GSG1L: variants seen among roughly 807,000 people sequenced by gnomAD.
The protein encoded by GSG1L is GSG1 like.
A neutral mutation model predicts 42.1 loss-of-function variants in GSG1L; 24 were observed. That is an observed-to-expected ratio of 0.57 (90% CI 0.41 to 0.80). The LOEUF is 0.80. Among genes scored for constraint, GSG1L ranks in the 30% least tolerant of loss-of-function variants. The pLI is 0.00. For synonymous variants in GSG1L, 215 were observed against 203.5 expected (o/e 1.06, Z -0.48); for missense variants, 445 against 472.2 (o/e 0.94, Z 0.53).
intron 1 of GSG1L, among the ~76,000 whole-genome samples, chr16:28,010,808 T>C (rs567244513): frequency 1.3e-5 from 2 of 152,256 alleles, no homozygotes; most frequent in South Asian, 4.2e-4. Context: ...GGGGAGCGTG[T>C]CATCTAGAAC....
intron 2 of GSG1L, among the ~76,000 whole-genome samples, chr16:27,914,513 TTTTTC>T (rs760387948): frequency 1.3e-5 from 2 of 150,140 alleles, no homozygotes; most frequent in Admixed American, 6.7e-5. Context: ...TTTCTTTTCC[TTTTTC>T]TTTTCTTTTC....
chr16:27,973,814 A>G (rs1416731341), intron 1 of GSG1L, among the ~76,000 whole-genome samples: 3 of 152,112 alleles, frequency 2.0e-5, no homozygotes, highest in Admixed American at 2.0e-4. Context: ...CTTGTTGTCA[A>G]CCACCAGGGG....
intron 3 of GSG1L, among the ~76,000 whole-genome samples, chr16:27,874,068 C>T (rs1292681074): frequency 2.0e-5 from 3 of 152,112 alleles, no homozygotes; most frequent in Non-Finnish European, 4.4e-5. Context: ...GATATGTGCT[C>T]CTGTCTCCCC....
At chr16:28,054,107 T>C (rs1041993836) in intron 1 of GSG1L, among the ~76,000 whole-genome samples, 1 of 151,940 alleles carries the variant, frequency 6.6e-6, no homozygotes, top group African/African-American at 2.4e-5. Context: ...TCTCCTGCCC[T>C]CCTCCTCCCC....
intron 2 of GSG1L, among the ~76,000 whole-genome samples, chr16:27,914,871 G>A (rs972344613): frequency 6.6e-6 from 1 of 152,052 alleles, no homozygotes; most frequent in African/African-American, 2.4e-5. Flanking sequence ...ATTGCCCCTG[G>A]CTACACCCAC....
chr16:28,055,075 C>T (rs2086264768), intron 1 of GSG1L, among the ~76,000 whole-genome samples: 1 of 152,186 alleles, frequency 6.6e-6, no homozygotes, highest in Admixed American at 6.5e-5. Flanking sequence ...GAGGGAAGGT[C>T]CAGCCTCCAG....
chr16:27,861,138 C>T (rs967058957), intron 3 of GSG1L, among the ~76,000 whole-genome samples: 8 of 152,116 alleles, frequency 5.3e-5, no homozygotes, highest in African/African-American at 9.7e-5. Context: ...GAGGCCAAGG[C>T]GGGCAGATCA....
intron 1 of GSG1L, among the ~76,000 whole-genome samples, chr16:28,044,273 A>T (rs1161071927): frequency 6.6e-6 from 1 of 151,990 alleles, no homozygotes; most frequent in Non-Finnish European, 1.5e-5. Context: ...GCACTTTGGG[A>T]GGCCAAAGCA....
At chr16:27,981,750 G>A (rs368626681) in intron 1 of GSG1L, among the ~76,000 whole-genome samples, 1 of 152,284 alleles carries the variant, frequency 6.6e-6, no homozygotes, top group East Asian at 1.9e-4. Context: ...CCAGACATAC[G>A]TTGCTTGGGC....
At chr16:28,055,319 T>C (rs1312678365) in intron 1 of GSG1L, among the ~76,000 whole-genome samples, 2 of 151,776 alleles carry the variant, frequency 1.3e-5, no homozygotes, top group East Asian at 1.9e-4. Context: ...ACCACACTTA[T>C]CTAATTTTTA....
chr16:27,888,238 C>T, intron 2 of GSG1L: 1 of 423,892 alleles, frequency 2.4e-6, no homozygotes, highest in Non-Finnish European at 3.2e-6. Flanking sequence ...TTCCCCCGCC[C>T]CTCTCCTCAC....
At chr16:27,841,061 A>AT (rs971625729) in intron 4 of GSG1L, among the ~76,000 whole-genome samples, 3 of 152,182 alleles carry the variant, frequency 2.0e-5, no homozygotes, top group Non-Finnish European at 4.4e-5. Context: ...ATAATAACAT[A>AT]TTTTTTACTA....
chr16:27,824,809 A>G (rs1426977199), intron 5 of GSG1L, among the ~76,000 whole-genome samples: 1 of 152,170 alleles, frequency 6.6e-6, no homozygotes, highest in Non-Finnish European at 1.5e-5. Flanking sequence ...CAGCAAAATG[A>G]GGTGTGTTTT....
chr16:27,989,423 T>G (rs1432141960), intron 1 of GSG1L, among the ~76,000 whole-genome samples: 1 of 152,138 alleles, frequency 6.6e-6, no homozygotes, highest in Non-Finnish European at 1.5e-5. Context: ...CCAAGAGAGA[T>G]ATACTAGGCT....
chr16:28,001,583 C>T (rs541709373), intron 1 of GSG1L, among the ~76,000 whole-genome samples: 59 of 152,330 alleles, frequency 3.9e-4, no homozygotes, highest in African/African-American at 1.4e-3. Flanking sequence ...CCTCCACCAG[C>T]TTACCCAAAA....
chr16:28,055,994 AGGG>A lies in GSG1L; in HGVS notation c.349+7079_349+7081del, dbSNP rs1431919463. On this transcript the variant is annotated intron_variant, in intron 1 of 6. Transcript: ENST00000447459. Reference sequence around the variant, plus strand: ...TTGGAAATAAACCAAGAGAGGGAGCAGGGAAGAAAGAAGAACATCTGACAAGTC... The same window carrying A: ...TTGGAAATAAACCAAGAGAGGGAGCAAAGAAAGAAGAACATCTGACAAGTC... Among the ~76,000 whole-genome samples the A allele has an allele frequency of 2.0e-3, 306 of 152,240 alleles. 2 individuals carry two copies. Among genetic ancestry groups the A allele is most frequent in the African/African-American group, 7.0e-3 (291 of 41,524 alleles).
intron 1 of GSG1L, among the ~76,000 whole-genome samples, chr16:28,062,539 C>T (rs139621500): frequency 6.6e-6 from 1 of 152,156 alleles, no homozygotes; most frequent in Non-Finnish European, 1.5e-5. Flanking sequence ...CCCCACTCCC[C>T]ACTCCCGTCT....
chr16:27,991,969 CA>C (rs1169369734), intron 1 of GSG1L, among the ~76,000 whole-genome samples: 1 of 152,074 alleles, frequency 6.6e-6, no homozygotes, highest in Non-Finnish European at 1.5e-5. Context: ...GGCAGGTTTC[CA>C]GGGGTGGAGC....
chr16:28,006,977 G>A (rs1054152213), intron 1 of GSG1L, among the ~76,000 whole-genome samples: 1 of 152,206 alleles, frequency 6.6e-6, no homozygotes, highest in Non-Finnish European at 1.5e-5. Flanking sequence ...TCTGCGCCTG[G>A]TCAGGGAGAC....
Sources: allele counts gnomAD v4.1 joint callset (sites outside exome capture counted in the v4.1 genomes callset), GRCh38; gene constraint gnomAD v4.1.1; transcripts MANE v1.5; gene names NCBI Gene and HGNC (gene_info 2026-07-23, HGNC 2026-07-21).